Variants in KIF9 observed in about 807,000 individuals in gnomAD.
KIF9 encodes the protein kinesin-like protein KIF9.
In KIF9, 68 loss-of-function variants were observed where a neutral mutation model predicts 94.8. That is an observed-to-expected ratio of 0.72 (90% CI 0.59 to 0.88). The LOEUF is 0.88. KIF9 is among the 40% of genes least tolerant of loss of function. KIF9 has a pLI of 0.00. For missense variants in KIF9, 882 were observed against 982.5 expected (o/e 0.90, Z 1.37); for synonymous variants, 343 against 362.1 (o/e 0.95, Z 0.60).
intron 17 of KIF9, among the ~76,000 whole-genome samples, chr3:47,238,968 T>A (rs563497513): frequency 6.6e-6 from 1 of 152,220 alleles, no homozygotes; most frequent in South Asian, 2.1e-4. Context: ...CAGCCGAAAA[T>A]CGGGCAGATC....
intron 11 of KIF9, 67 bp downstream of exon 11, chr3:47,247,951 C>T: frequency 1.6e-6 from 2 of 1,254,258 alleles, no homozygotes; most frequent in Non-Finnish European, 2.3e-6. Flanking sequence ...CTGCCCCTAG[C>T]CCCAGTCCCT....
chr3:47,241,840 TA>T (rs1215740136), intron 16 of KIF9, among the ~76,000 whole-genome samples: 1 of 124,752 alleles, frequency 8.0e-6, no homozygotes, highest in East Asian at 2.2e-4. Context: ...CACACATATA[TA>T]AAATATATAT....
At chr3:47,270,661 A>T (rs775106449) in intron 5 of KIF9, among the ~76,000 whole-genome samples, 40 of 152,350 alleles carry the variant, frequency 2.6e-4, no homozygotes, top group Non-Finnish European at 4.7e-4. Flanking sequence ...CTGGAAGGAA[A>T]TGAGCTAAAA....
intron 1 of KIF9, chr3:47,280,995 G>A: frequency 1.4e-6 from 1 of 703,022 alleles, no homozygotes; most frequent in Non-Finnish European, 2.6e-6. Flanking sequence ...TCATTTGAGT[G>A]GGTTTCAGTT....
At chr3:47,246,667 C>T (rs1236524687) in intron 12 of KIF9, 8 of 152,384 alleles carry the variant, frequency 5.2e-5, no homozygotes, top group African/African-American at 1.7e-4. Context: ...GGCACAGACA[C>T]ACACACGAGG....
chr3:47,260,904 C>A (rs997157723), intron 9 of KIF9, among the ~76,000 whole-genome samples: 2 of 152,168 alleles, frequency 1.3e-5, no homozygotes, highest in Admixed American at 1.3e-4. Context: ...GTGAGGGAGG[C>A]GAGAGCCAGG....
At chr3:47,237,739 G>A (rs148757410) in intron 17 of KIF9, among the ~76,000 whole-genome samples, 34 of 152,306 alleles carry the variant, frequency 2.2e-4, no homozygotes, top group African/African-American at 7.7e-4. Context: ...TTCCACTGAT[G>A]TTTATTGAGA....
At chr3:47,281,183 T>C in intron 1 of KIF9, 3 of 622,672 alleles carry the variant, frequency 4.8e-6, no homozygotes, top group African/African-American at 3.6e-5. Flanking sequence ...TGTGGGTCTA[T>C]CTTCAGTCAC....
At position 47,256,529 on chromosome 3, in the gene KIF9, G is replaced by GC. The variant is rs570707358; in HGVS notation, c.1059+953dup. Reference sequence around the variant, plus strand: ...GTCTGGGAGGGAGGTGGGGGGGTCGGCCCCCCGCCCGGCCGGCCGCCCTGT... The same window carrying GC: ...GTCTGGGAGGGAGGTGGGGGGGTCGGCCCCCCCGCCCGGCCGGCCGCCCTGT... On this transcript the variant is annotated intron_variant, in intron 10 of 20. Transcript: ENST00000684063. 9.8e-3 allele frequency among the ~76,000 whole-genome samples: 1,485 copies of GC among 151,104 alleles called. 30 individuals are homozygous for GC. Among genetic ancestry groups the GC allele is most frequent in the African/African-American group, 0.035 (1,430 of 41,058 alleles).
chr3:47,266,726 T>G (rs1424354409), intron 7 of KIF9, among the ~76,000 whole-genome samples: 1 of 152,192 alleles, frequency 6.6e-6, no homozygotes, highest in Non-Finnish European at 1.5e-5. Context: ...CCAGGCACTT[T>G]GCTAAGAATG....
rs781604483 is a variant in KIF9 at position 47,265,724 on chromosome 3, C to T, written c.916+6G>A. 3 of 1,613,862 alleles carry T rather than the reference C, an allele frequency of 1.9e-6. No individual in the cohort carries two copies. The highest frequency in any genetic ancestry group is 2.5e-6 in the Non-Finnish European group (3 of 1,179,812). Reference sequence around the variant, plus strand: ...TCCTCCCTGGGCAGCAACTGTACCCCCTCACCTAACGAGTCCTTCAGAGCG... The same window carrying T: ...TCCTCCCTGGGCAGCAACTGTACCCTCTCACCTAACGAGTCCTTCAGAGCG... On this transcript the variant is annotated splice_donor_region_variant and intron_variant, in intron 8 of 20. Transcript: ENST00000684063.
At chr3:47,271,514 T>C in intron 4 of KIF9, 53 bp from the exon 5 acceptor site, 1 of 1,349,504 alleles carries the variant, frequency 7.4e-7, no homozygotes, top group South Asian at 1.2e-5. Context: ...AACAGCCAAC[T>C]AGCATAAGGG....
At chr3:47,266,793 C>T (rs1453487837) in intron 7 of KIF9, among the ~76,000 whole-genome samples, 183 bp downstream of exon 7, 1 of 152,110 alleles carries the variant, frequency 6.6e-6, no homozygotes, top group African/African-American at 2.4e-5. Context: ...GGAACCGCCC[C>T]CAGGTAATAG....
rs148634771 is a variant in KIF9, at chr3:47,265,807, A to G, written c.839T>C (p.Ile280Thr). The change falls in exon 8 of 21, where the codon ATT (isoleucine) becomes ACT (threonine). Residue 280 changes from isoleucine to threonine, a missense_variant. Coordinates refer to ENST00000684063, the MANE Select transcript of KIF9 (RefSeq NM_182902.4). ...GTCCCGCTTCTGGTCCCCAAGGGCA[A>G]TGATGGCCTGCTCCAGGAATGAGAG... is the stretch of plus-strand genomic sequence containing the variant. ...KSLSFLEQAIIALGDQKRDHI... is the reference protein window; with the variant it reads ...KSLSFLEQAITALGDQKRDHI... The G allele has an allele frequency of 2.1e-5, 34 of 1,614,068 alleles. No homozygotes were observed. The highest frequency in any genetic ancestry group is 2.7e-5 in the Non-Finnish European group (32 of 1,180,020).
At position 47,264,311 on chromosome 3, in the gene KIF9, C is replaced by T. The variant is rs774207335; in HGVS notation, c.956G>A (p.Gly319Glu). Residue 319 changes from glycine to glutamate, a missense_variant, in exon 9 of 21, where the codon GGA becomes GAA. Coordinates refer to ENST00000684063, the MANE Select transcript of KIF9 (RefSeq NM_182902.4). ...CNMVLVTNIY[G>E]EAAQLEETLS... ...CGTTTCTTCTAACTGGGCAGCTTCT[C>T]CATAGATGTTTGTCACGAGGACCAT... 1 of 1,613,750 alleles carries T rather than the reference C, an allele frequency of 6.2e-7. No individual in the cohort carries two copies. Among genetic ancestry groups the T allele is most frequent in the East Asian group, 2.2e-5 (1 of 44,876 alleles).
intron 16 of KIF9, 130 bp from the exon 17 acceptor site, chr3:47,241,145 A>T: frequency 1.4e-6 from 1 of 724,118 alleles, no homozygotes; most frequent in African/African-American, 1.7e-5. Context: ...CCTACCCAAG[A>T]CAGGAGCTAA....
At chr3:47,281,081 A>G (rs941963892) in intron 1 of KIF9, 1 of 701,848 alleles carries the variant, frequency 1.4e-6, no homozygotes, top group Non-Finnish European at 2.6e-6. Context: ...CACAATGTCC[A>G]GGGCAGAGCC....
intron 2 of KIF9, among the ~76,000 whole-genome samples, chr3:47,276,555 C>CAAAAAA (rs752825599): frequency 3.4e-5 from 2 of 58,680 alleles, no homozygotes; most frequent in Admixed American, 2.0e-4. Context: ...GACTCTGTCT[C>CAAAAAA]AAAAAAAAAA....
At chr3:47,239,687 A>G in intron 17 of KIF9, 3 of 1,168,444 alleles carry the variant, frequency 2.6e-6, no homozygotes, top group Non-Finnish European at 3.3e-6. Flanking sequence ...TCCTGGGCTC[A>G]AGCGATTTTC....
Sources: allele counts gnomAD v4.1 joint callset (sites outside exome capture counted in the v4.1 genomes callset), GRCh38; gene constraint gnomAD v4.1.1; transcripts MANE v1.5; gene names NCBI Gene and HGNC (gene_info 2026-07-23, HGNC 2026-07-21).